NR2C2: variants seen among roughly 807,000 people sequenced by gnomAD.
NR2C2 encodes Nuclear hormone receptor TR4.
A neutral mutation model predicts 62.9 loss-of-function variants in NR2C2; 6 were observed. The observed-to-expected ratio is 0.10, with a 90% CI of 0.05 to 0.19. The LOEUF (loss-of-function observed/expected upper bound fraction) is 0.19. Ranked by LOEUF, NR2C2 falls within the 10% of genes least tolerant of loss-of-function variation. The probability of loss-of-function intolerance (pLI) is 1.00; values close to 1 mark genes in which losing one functional copy is unlikely to be tolerated. For synonymous variants in NR2C2, 272 were observed against 273.8 expected (o/e 0.99, Z 0.07); for missense variants, 479 against 762.7 (o/e 0.63, Z 4.38).
At chr3:14,979,572 G>C (rs2040303402) in intron 1 of NR2C2, among the ~76,000 whole-genome samples, 1 of 152,120 alleles carries the variant, frequency 6.6e-6, no homozygotes, top group Non-Finnish European at 1.5e-5. Context: ...ATTTTTTTCT[G>C]AGGGCAACAT....
rs768259735 is a variant in NR2C2 at position 15,032,363 on chromosome 3, GCCT to G, written c.1111-11_1111-9del. ...CCTTCCTTCACCTCCTGTGCCATGT[GCCT>G]CCTCTTTTCCAGCTAACAATGCCCA... On this transcript the variant is annotated splice_polypyrimidine_tract_variant and intron_variant, in intron 9 of 13. Transcript: ENST00000425241. The G allele has an allele frequency of 4.3e-6, 7 of 1,614,200 alleles. No homozygotes were observed. In the South Asian group the frequency reaches 4.4e-5, roughly 10 times the overall value.
intron 2 of NR2C2, among the ~76,000 whole-genome samples, chr3:15,010,200 T>C (rs1046887507): frequency 6.6e-6 from 1 of 152,174 alleles, no homozygotes; most frequent in Non-Finnish European, 1.5e-5. Flanking sequence ...TAAATAGGAA[T>C]CTATCTGTGT....
intron 1 of NR2C2, among the ~76,000 whole-genome samples, chr3:14,983,750 CTA>C (rs2125337490): frequency 6.6e-6 from 1 of 152,186 alleles, no homozygotes; most frequent in South Asian, 2.1e-4. Context: ...ATGGTTAAGA[CTA>C]TTCGGATTTT....
chr3:15,022,398 CTTTTTTTTT>C (rs71038450), intron 5 of NR2C2, among the ~76,000 whole-genome samples: 1 of 89,142 alleles, frequency 1.1e-5, no homozygotes, highest in South Asian at 4.4e-4. Flanking sequence ...CTTTTTCTTT[CTTTTTTTTT>C]TTTTTTTTTT....
chr3:15,012,383 G>A (rs1378090095), intron 2 of NR2C2, among the ~76,000 whole-genome samples: 3 of 151,962 alleles, frequency 2.0e-5, no homozygotes, highest in Non-Finnish European at 2.9e-5. Flanking sequence ...CCATCACCAC[G>A]CCCAGCTAAT....
chr3:14,978,999 G>C (rs758124961), intron 1 of NR2C2, among the ~76,000 whole-genome samples: 1 of 152,130 alleles, frequency 6.6e-6, no homozygotes, highest in Non-Finnish European at 1.5e-5. Context: ...GTTCTGGGGT[G>C]AAAATTAGCT....
chr3:15,037,127 C>A (rs7632389), intron 11 of NR2C2, among the ~76,000 whole-genome samples: 2,917 of 150,716 alleles, frequency 0.019, 93 homozygotes, highest in African/African-American at 0.067. Context: ...AAAAAAAAAA[C>A]CCCTTACAAC....
At chr3:14,962,123 A>G (rs1350604720) in intron 1 of NR2C2, among the ~76,000 whole-genome samples, 1 of 152,228 alleles carries the variant, frequency 6.6e-6, no homozygotes, top group Non-Finnish European at 1.5e-5. Context: ...AGGTAAACCA[A>G]GCTGTTACAA....
chr3:15,023,051 C>A, intron 5 of NR2C2, 149 bp from the exon 6 acceptor site: 2 of 825,162 alleles, frequency 2.4e-6, no homozygotes, highest in South Asian at 1.9e-5. Flanking sequence ...TTCCTTCTCT[C>A]TGGCCGAAAA....
At chr3:15,015,152 TG>T (rs2041473527) in intron 3 of NR2C2, among the ~76,000 whole-genome samples, 1 of 152,258 alleles carries the variant, frequency 6.6e-6, no homozygotes, top group Non-Finnish European at 1.5e-5. Flanking sequence ...TCCTTGTCTG[TG>T]AAAGAATGGC....
chr3:14,955,052 A>G (rs1371125940), intron 1 of NR2C2, among the ~76,000 whole-genome samples: 1 of 152,088 alleles, frequency 6.6e-6, no homozygotes, highest in East Asian at 1.9e-4. Flanking sequence ...GCTGGTCTTG[A>G]ACTCCTGAGC....
intron 1 of NR2C2, among the ~76,000 whole-genome samples, chr3:14,981,315 A>G (rs2040360403): frequency 6.6e-6 from 1 of 152,096 alleles, no homozygotes; most frequent in Non-Finnish European, 1.5e-5. Flanking sequence ...AAAATATTAA[A>G]AAGTTAGGCC....
intron 1 of NR2C2, among the ~76,000 whole-genome samples, chr3:15,001,359 A>T: frequency 2.6e-5 from 3 of 116,060 alleles, no homozygotes; most frequent in Admixed American, 1.1e-4. Context: ...TTGGAGACAG[A>T]GTTTCACTCA....
At chr3:15,007,861 T>C (rs766683798) in intron 2 of NR2C2, among the ~76,000 whole-genome samples, 18 of 152,340 alleles carry the variant, frequency 1.2e-4, no homozygotes, top group Admixed American at 2.6e-4. Context: ...TCATTTCACT[T>C]TCCTAGTCAT....
intron 1 of NR2C2, among the ~76,000 whole-genome samples, chr3:14,963,948 A>G (rs1281859977): frequency 1.3e-5 from 2 of 152,190 alleles, no homozygotes; most frequent in African/African-American, 4.8e-5. Flanking sequence ...ATAATGGTTA[A>G]TATTAACTGA....
At chr3:14,949,919 G>C (rs1385445210) in intron 1 of NR2C2, among the ~76,000 whole-genome samples, 1 of 152,110 alleles carries the variant, frequency 6.6e-6, no homozygotes, top group African/African-American at 2.4e-5. Context: ...TAGTGTTGTG[G>C]TTAGCAACTC....
chr3:15,003,444 T>C (rs1402515157), intron 1 of NR2C2, among the ~76,000 whole-genome samples: 2 of 152,142 alleles, frequency 1.3e-5, no homozygotes. Flanking sequence ...CTAATCCCAG[T>C]AGGTTTCAGT....
chr3:15,001,634 C>T (rs896421914), intron 1 of NR2C2, among the ~76,000 whole-genome samples: 7 of 151,870 alleles, frequency 4.6e-5, no homozygotes, highest in African/African-American at 1.7e-4. Flanking sequence ...TGTGCCTGGC[C>T]TTGTTTTTTG....
chr3:14,992,521 G>A (rs2040700417), intron 1 of NR2C2, among the ~76,000 whole-genome samples: 2 of 152,122 alleles, frequency 1.3e-5, no homozygotes, highest in African/African-American at 4.8e-5. Flanking sequence ...TTCATTGTGG[G>A]CCTAATATGT....
Sources: allele counts gnomAD v4.1 joint callset (sites outside exome capture counted in the v4.1 genomes callset), GRCh38; gene constraint gnomAD v4.1.1; transcripts MANE v1.5; gene names NCBI Gene and HGNC (gene_info 2026-07-23, HGNC 2026-07-21).